Variants in GRID2 observed in about 807,000 individuals in gnomAD.
The protein encoded by GRID2 is glutamate ionotropic receptor delta type subunit 2.
A neutral mutation model predicts 114.8 loss-of-function variants in GRID2; 33 were observed. That is an observed-to-expected ratio of 0.29 (90% confidence interval 0.22 to 0.38). The LOEUF (loss-of-function observed/expected upper bound fraction) is 0.38. Among genes scored for constraint, GRID2 ranks in the 10% least tolerant of loss-of-function variants. GRID2 has a pLI of 1.00. For synonymous variants in GRID2, 505 were observed against 449.9 expected, an observed-to-expected ratio of 1.12 and a Z score of -1.55; for missense variants, 1,184 against 1,257.7, an observed-to-expected ratio of 0.94 and a Z score of 0.89.
intron 1 of GRID2, among the ~76,000 whole-genome samples, chr4:92,577,574 A>G (rs1727956913): frequency 6.6e-6 from 1 of 152,190 alleles, no homozygotes; most frequent in African/African-American, 2.4e-5. Flanking sequence ...TCCATAATGG[A>G]AGAGTAACTG....
At chr4:92,641,987 A>G (rs1044560160) in intron 2 of GRID2, among the ~76,000 whole-genome samples, 1 of 151,230 alleles carries the variant, frequency 6.6e-6, no homozygotes, top group Non-Finnish European at 1.5e-5. Context: ...ACTGTGTAGT[A>G]TTAGATGTTG....
chr4:93,594,308 C>G (rs1252759770), intron 13 of GRID2, among the ~76,000 whole-genome samples: 2 of 152,130 alleles, frequency 1.3e-5, no homozygotes, highest in Admixed American at 6.5e-5. Context: ...TTGGAGTACC[C>G]TGCAGTGTGA....
intron 9 of GRID2, among the ~76,000 whole-genome samples, chr4:93,407,151 AG>A (rs1766537951): frequency 6.6e-6 from 1 of 152,192 alleles, no homozygotes; most frequent in Non-Finnish European, 1.5e-5. Flanking sequence ...AGGCACAGTA[AG>A]AGGTTTTGAC....
At chr4:92,337,117 T>C (rs151262648) in intron 1 of GRID2, among the ~76,000 whole-genome samples, 4 of 152,200 alleles carry the variant, frequency 2.6e-5, no homozygotes, top group Non-Finnish European at 1.5e-5. Context: ...GTCAGAGCCA[T>C]ATCTCCATTA....
At chr4:92,702,496 C>G (rs186014100) in intron 2 of GRID2, 6 of 152,114 alleles carry the variant, frequency 3.9e-5, no homozygotes, top group African/African-American at 1.4e-4. Context: ...TTTGCTGATG[C>G]AATAAAACTT....
At position 92,304,402 on chromosome 4, in the gene GRID2, AAAC is replaced by A. The variant is rs1228880883; in HGVS notation, c.-251_-249del. The A allele has an allele frequency of 7.2e-6, 4 of 556,082 alleles. No individual in the cohort carries two copies. The highest frequency in any genetic ancestry group is 5.7e-5 in the African/African-American group (3 of 52,696). 34.4% of individuals were successfully genotyped at this position (556,082 alleles called of 1,614,324 possible). A position where few individuals can be genotyped will look rare whatever the true frequency, so the allele number is the denominator to read the frequency against. On this transcript the variant is annotated 5_prime_UTR_variant, in exon 1 of 16. Transcript: ENST00000282020. ...ATATATTTTTCAAAAGCCAAACTGCAAACAACTCTGGCGATGCCAAAATTCCCC... is the reference window on the plus strand; with the variant it reads ...ATATATTTTTCAAAAGCCAAACTGCAAACTCTGGCGATGCCAAAATTCCCC...
At chr4:92,739,011 G>T (rs1169934451) in intron 2 of GRID2, among the ~76,000 whole-genome samples, 1 of 152,032 alleles carries the variant, frequency 6.6e-6, no homozygotes, top group Non-Finnish European at 1.5e-5. Context: ...CTGAACAGAA[G>T]ATGATATTTT....
At chr4:92,710,168 T>C (rs1162652826) in intron 2 of GRID2, among the ~76,000 whole-genome samples, 5 of 152,302 alleles carry the variant, frequency 3.3e-5, no homozygotes, top group Admixed American at 3.3e-4. Flanking sequence ...ATACCAATTA[T>C]CAAGTGTTTA....
At chr4:93,723,232 C>T (rs1472776746) in intron 14 of GRID2, among the ~76,000 whole-genome samples, 1 of 152,166 alleles carries the variant, frequency 6.6e-6, no homozygotes, top group African/African-American at 2.4e-5. Context: ...ATGTGAGTAA[C>T]TCTTGAGCAG....
intron 2 of GRID2, among the ~76,000 whole-genome samples, chr4:93,023,893 C>T (rs1723635373): frequency 6.6e-6 from 1 of 151,798 alleles, no homozygotes; most frequent in African/African-American, 2.4e-5. Context: ...CACTTAACTA[C>T]ACAGAACTTT....
chr4:92,924,150 C>CA (rs1330756673), intron 2 of GRID2, among the ~76,000 whole-genome samples: 3 of 152,116 alleles, frequency 2.0e-5, no homozygotes, highest in East Asian at 1.9e-4. Context: ...ATCACAAGGA[C>CA]AAAAAACCAA....
chr4:92,644,760 AG>A (rs1731527590), intron 2 of GRID2, among the ~76,000 whole-genome samples: 1 of 151,680 alleles, frequency 6.6e-6, no homozygotes, highest in Non-Finnish European at 1.5e-5. Context: ...AGATAATATA[AG>A]AGTTGTATAG....
At chr4:92,755,568 C>A (rs140780915) in intron 2 of GRID2, among the ~76,000 whole-genome samples, 449 of 152,006 alleles carry the variant, frequency 3.0e-3, no homozygotes, top group African/African-American at 0.01. Context: ...CATGTAAAGA[C>A]CTGGATGATG....
chr4:93,736,002 A>C (rs1730897669), intron 14 of GRID2, among the ~76,000 whole-genome samples: 1 of 152,006 alleles, frequency 6.6e-6, no homozygotes, highest in Admixed American at 6.6e-5. Flanking sequence ...GGAAAGAGGA[A>C]AGGAGGAAAA....
intron 10 of GRID2, among the ~76,000 whole-genome samples, chr4:93,444,138 T>G (rs950436478): frequency 2.6e-5 from 4 of 151,856 alleles, no homozygotes; most frequent in African/African-American, 9.7e-5. Flanking sequence ...TGTCACAAAC[T>G]CAGGTGAAAA....
rs190647785 is a variant in GRID2 at position 93,220,864 on chromosome 4, A to G, written c.964-3750A>G. 4.6e-5 allele frequency among the ~76,000 whole-genome samples: 7 copies of G among 152,328 alleles called. No individual in the cohort carries two copies. In the East Asian group the frequency reaches 1.4e-3, roughly 29 times the overall value. Reference sequence around the variant, plus strand: ...TATCACTACGTGAATGAAGATGAATAAAACATGCCTATCAAATTTGTAAAT... The same window carrying G: ...TATCACTACGTGAATGAAGATGAATGAAACATGCCTATCAAATTTGTAAAT... On this transcript the variant is annotated intron_variant, in intron 6 of 15. Transcript: ENST00000282020.
intron 3 of GRID2, among the ~76,000 whole-genome samples, chr4:93,106,288 A>G (rs1460965638): frequency 6.6e-6 from 1 of 152,184 alleles, no homozygotes; most frequent in Non-Finnish European, 1.5e-5. Flanking sequence ...ATGTGGCTGA[A>G]TGATTGTGAT....
chr4:92,967,263 A>G (rs1322833405), intron 2 of GRID2, among the ~76,000 whole-genome samples: 1 of 151,996 alleles, frequency 6.6e-6, no homozygotes, highest in Non-Finnish European at 1.5e-5. Flanking sequence ...GATTGATTTT[A>G]TATCACAGAA....
rs546296031 is a variant in GRID2 at position 93,200,004 on chromosome 4, A to AT, written c.736-7393dup. 1.2e-4 allele frequency among the ~76,000 whole-genome samples: 19 copies of AT among 152,174 alleles called. No homozygotes were observed. The South Asian group carries it at 3.7e-3, about 30-fold the overall frequency. On this transcript the variant is annotated intron_variant, in intron 4 of 15. Transcript: ENST00000282020. ...CAGACATAGTATTTATAATAATTGCATTTTTTTGGTTGGTGTTTGTTTGTT... is the reference window on the plus strand; with the variant it reads ...CAGACATAGTATTTATAATAATTGCATTTTTTTTGGTTGGTGTTTGTTTGTT...
Sources: allele counts gnomAD v4.1 joint callset (sites outside exome capture counted in the v4.1 genomes callset), GRCh38; gene constraint gnomAD v4.1.1; transcripts MANE v1.5; gene names NCBI Gene and HGNC (gene_info 2026-07-23, HGNC 2026-07-21).